Variants in RYR1 observed in about 807,000 individuals in gnomAD.
RYR1 encodes the protein central core disease of muscle.
RYR1 carries 342 observed loss-of-function variants against 583.5 expected under a neutral mutation model. The observed-to-expected ratio is 0.59, with a 90% confidence interval of 0.54 to 0.64. The LOEUF (loss-of-function observed/expected upper bound fraction) is 0.64, where lower values mean the gene tolerates loss of function less well. Ranked by LOEUF, RYR1 falls within the 30% of genes least tolerant of loss-of-function variation. The probability of loss-of-function intolerance (pLI) is 0.00; values close to 1 mark genes in which losing one functional copy is unlikely to be tolerated. For synonymous variants in RYR1, 2,791 were observed against 2,822.5 expected (o/e 0.99, Z 0.35); for missense variants, 6,032 against 6,917.2 (o/e 0.87, Z 4.54).
intron 58 of RYR1, among the ~76,000 whole-genome samples, chr19:38,510,015 G>T (rs2145652807): frequency 6.6e-6 from 1 of 152,282 alleles, no homozygotes; most frequent in South Asian, 2.1e-4. Flanking sequence ...CTTCAGAAAG[G>T]GTTTGATCAA....
At chr19:38,466,564 C>T (rs898690503) in intron 24 of RYR1, among the ~76,000 whole-genome samples, 166 bp downstream of exon 24, 2 of 149,510 alleles carry the variant, frequency 1.3e-5, no homozygotes, top group African/African-American at 5.0e-5. Context: ...TGCAATGGCG[C>T]GATCTCTGCT....
chr19:38,481,663 G>A (rs1969016533), intron 31 of RYR1, among the ~76,000 whole-genome samples: 1 of 152,232 alleles, frequency 6.6e-6, no homozygotes, highest in Non-Finnish European at 1.5e-5. Flanking sequence ...ATGGGCACCT[G>A]CAGTTCCAGC....
rs1248688892 is a variant in RYR1, at chr19:38,573,263, C to A, written c.14085C>A (p.Asp4695Glu). The change falls in exon 96 of 106, where the codon GAC becomes GAA. Residue 4695 changes from aspartate to glutamate, a missense_variant. Transcript: ENST00000359596. ...TGTACATCACGGAGCAGCCTGAGGA[C>A]GATGACGTGAAGGGGCAGTGGGACC... ...DGLYITEQPE[D>E]DDVKGQWDRL... 1.2e-6 allele frequency: 2 copies of A among 1,613,814 alleles called. No homozygotes were observed. The highest frequency in any genetic ancestry group is 2.7e-5 in the African/African-American group (2 of 74,886).
rs572839218 is a variant in RYR1 at position 38,556,939 on chromosome 19, A to G, written c.12283-4174A>G. Among the ~76,000 whole-genome samples, 4 of 152,120 alleles carry G rather than the reference A, an allele frequency of 2.6e-5. No homozygotes were observed. In the East Asian group the frequency reaches 7.7e-4, roughly 29 times the overall value. The stretch of plus-strand genomic sequence containing the variant: ...AGCCAGAACCTTCCTATGTGGGGCT[A>G]CTGTATACCTCCACCAGGAGGCACC... On this transcript the variant is annotated intron_variant, in intron 89 of 105. Transcript: ENST00000359596.
In RYR1 at chr19:38,489,375, G is replaced by A; in HGVS notation, c.5746G>A (p.Gly1916Arg). ...AAAAGAGGAAGAGGAGGCAGCAGAA[G>A]GGGAGAAAGAAGAAGGCTTGGAGGA... Reference protein sequence around the residue: ...EEKEEEEAAEGEKEEGLEEGL... With the variant: ...EEKEEEEAAEREKEEGLEEGL... Residue 1916 changes from glycine (G) to arginine (R), a missense_variant, in exon 35 of 106, where the codon GGG becomes AGG. Transcript: ENST00000359596. The A allele has an allele frequency of 1.2e-6, 2 of 1,614,032 alleles. No homozygotes were observed. Among genetic ancestry groups the A allele is most frequent in the South Asian group, 2.2e-5 (2 of 91,080 alleles).
At chr19:38,452,731 G>T in intron 12 of RYR1, 88 bp from the exon 13 acceptor site, 1 of 1,240,674 alleles carries the variant, frequency 8.1e-7, no homozygotes, top group Non-Finnish European at 1.1e-6. Flanking sequence ...GGTGGGTCTG[G>T]GGGAGTCTTG....
Position 38,499,383 on chromosome 19 carries a change from G to C in RYR1, c.7027+140G>C. 1.4e-6 allele frequency: 2 copies of C among 1,414,628 alleles called. No homozygotes were observed. Among genetic ancestry groups the C allele is most frequent in the South Asian group, 2.3e-5 (2 of 85,222 alleles). 87.6% of individuals were successfully genotyped at this position (1,414,628 alleles called of 1,614,324 possible). A position where few individuals can be genotyped will look rare whatever the true frequency, so the allele number is the denominator to read the frequency against. On this transcript the variant is annotated intron_variant, in intron 43 of 105. Transcript: ENST00000359596. This position sits in a 1 kb window ranked among gnomAD's most constrained non-coding sequence, Gnocchi z 7.3. ...TCCAGCAGGCCTGGGGCTGGCAGGG[G>C]CCTGTGTTACCCCTGGAGGTGTTGG...
chr19:38,507,000 CG>C (rs760144746), intron 57 of RYR1, 48 bp downstream of exon 57: 1 of 1,611,320 alleles, frequency 6.2e-7, no homozygotes, highest in East Asian at 2.2e-5. Context: ...AGAACACACC[CG>C]GCAAAGGCTG....
rs1446388964 is a variant in RYR1 at position 38,469,606 on chromosome 19, T to C, written c.3765+93T>C. 2.3e-6 allele frequency: 3 copies of C among 1,299,700 alleles called. No individual in the cohort carries two copies. The African/African-American group carries it at 4.4e-5, about 19-fold the overall frequency. 80.5% of individuals were successfully genotyped at this position (1,299,700 alleles called of 1,614,324 possible). Reference sequence around the variant, plus strand: ...TTTGAGTTTCTCTTTTCCCTCCATGTTAGGACACAAACCACATGGAAGCAA... The same window carrying C: ...TTTGAGTTTCTCTTTTCCCTCCATGCTAGGACACAAACCACATGGAAGCAA... On this transcript the variant is annotated intron_variant, in intron 27 of 105. Transcript: ENST00000359596.
At chr19:38,468,559 A>G (rs1158376618) in intron 25 of RYR1, among the ~76,000 whole-genome samples, 2 of 152,146 alleles carry the variant, frequency 1.3e-5, no homozygotes, top group East Asian at 3.8e-4. Context: ...TCATCCATCT[A>G]TCTGTCTCAT....
chr19:38,529,669 C>T (rs1971642955), intron 76 of RYR1, among the ~76,000 whole-genome samples: 3 of 152,106 alleles, frequency 2.0e-5, no homozygotes. Context: ...GAAAAAAATC[C>T]ATATGTATGA....
chr19:38,503,789 T>A (rs947233549), intron 49 of RYR1, among the ~76,000 whole-genome samples: 3 of 147,552 alleles, frequency 2.0e-5, no homozygotes, highest in East Asian at 3.9e-4. Context: ...AAAAAAAAAA[T>A]TTGCATTTTG....
intron 13 of RYR1, 79 bp from the exon 14 acceptor site, chr19:38,455,156 G>T: frequency 1.3e-6 from 2 of 1,523,234 alleles, no homozygotes; most frequent in Admixed American, 1.7e-5. Flanking sequence ...GAAGGAATAT[G>T]AATTCGTGAA....
At chr19:38,528,749 G>A (rs547222029) in intron 75 of RYR1, 54 bp downstream of exon 75, 24 of 1,579,978 alleles carry the variant, frequency 1.5e-5, no homozygotes, top group African/African-American at 4.0e-5. Context: ...GGGCTGGGGC[G>A]GAGGCCACCC....
At position 38,460,622 on chromosome 19, in the gene RYR1, G is replaced by C. The variant is rs74617198; in HGVS notation, c.2577+31G>C. 1.1e-3 allele frequency: 1,794 copies of C among 1,587,438 alleles called. 23 individuals are homozygous for C. In the East Asian group the frequency reaches 0.03, roughly 27 times the overall value. On this transcript the variant is annotated intron_variant, in intron 20 of 105. Transcript: ENST00000359596. The stretch of plus-strand genomic sequence containing the variant: ...GCCTGCCCTGCAAAGGTTTTCTGGC[G>C]AGGCAGGGTCTCTTAGGAGTCAGAG...
At chr19:38,517,755 G>A (rs2145683384) in intron 66 of RYR1, 64 bp downstream of exon 66, 3 of 1,487,678 alleles carry the variant, frequency 2.0e-6, no homozygotes, top group Middle Eastern at 3.5e-4. Flanking sequence ...TTGGCAGATG[G>A]TCTGAAAGGG....
In RYR1 at chr19:38,571,962, T is replaced by C. The variant is rs1599648772; in HGVS notation, c.13747-57T>C. The C allele has an allele frequency of 1.1e-5, 17 of 1,612,522 alleles. No individual in the cohort carries two copies. The East Asian group carries it at 3.1e-4, about 30-fold the overall frequency. ...CAATCTCGGGAATGGAGGCTCAATT[T>C]TGTGAGTGGGCTCTGCATGTGGCAG... On this transcript the variant is annotated intron_variant, in intron 94 of 105. Coordinates refer to ENST00000359596, the MANE Select transcript of RYR1 (RefSeq NM_000540.3).
chr19:38,562,771 C>T (rs1489642750), intron 90 of RYR1, among the ~76,000 whole-genome samples: 4 of 152,338 alleles, frequency 2.6e-5, no homozygotes, highest in African/African-American at 9.6e-5. Context: ...CGTGTGCCCA[C>T]GTCCACCGTG....
chr19:38,526,208 G>C (rs961261189), intron 71 of RYR1, among the ~76,000 whole-genome samples: 1 of 151,768 alleles, frequency 6.6e-6, no homozygotes, highest in East Asian at 1.9e-4. Flanking sequence ...GGATATCAAG[G>C]AGGCCTCCCG....
Sources: gnomAD v4.1 joint callset for allele counts (sites outside exome capture counted in the v4.1 genomes callset) on GRCh38, gnomAD v4.1.1 for gene constraint, Gnocchi (gnomAD v3.1) non-coding constraint, MANE v1.5 for transcripts, NCBI Gene and HGNC (gene_info 2026-07-23, HGNC 2026-07-21) for gene names.